The following LAMC1 variants were observed in gnomAD, a reference collection of about 807,000 sequenced individuals.
LAMC1 encodes laminin subunit gamma 1, also known as laminin subunit gamma-1.
In LAMC1, 38 loss-of-function variants were observed where a neutral mutation model predicts 173.6. That is an observed-to-expected ratio of 0.22 (90% CI 0.17 to 0.29). The LOEUF (loss-of-function observed/expected upper bound fraction) is 0.29, where lower values mean the gene tolerates loss of function less well. Among genes scored for constraint, LAMC1 ranks in the 10% least tolerant of loss-of-function variants. LAMC1 has a pLI of 1.00. For synonymous variants in LAMC1, 746 were observed against 749.1 expected (o/e 1.00, Z 0.07); for missense variants, 1,824 against 2,051.8 (o/e 0.89, Z 2.14).
chr1:183,119,529 G>GCT, intron 11 of LAMC1, among the ~76,000 whole-genome samples: 1 of 152,218 alleles, frequency 6.6e-6, no homozygotes, highest in Non-Finnish European at 1.5e-5. Context: ...TTAAGTCCAT[G>GCT]CTCTAAGACC....
chr1:183,051,950 A>C (rs1387642595), intron 1 of LAMC1, among the ~76,000 whole-genome samples: 1 of 152,150 alleles, frequency 6.6e-6, no homozygotes, highest in African/African-American at 2.4e-5. Context: ...GAGAGCCATA[A>C]ATGTAACAGT....
At chr1:183,060,865 TATC>T (rs1217898557) in intron 1 of LAMC1, among the ~76,000 whole-genome samples, 1 of 152,204 alleles carries the variant, frequency 6.6e-6, no homozygotes, top group East Asian at 1.9e-4. Flanking sequence ...TTTGAGAAAA[TATC>T]GTGTTGAGAA....
chr1:183,091,229 G>C (rs1655559111), intron 1 of LAMC1, among the ~76,000 whole-genome samples: 1 of 152,022 alleles, frequency 6.6e-6, no homozygotes, highest in South Asian at 2.1e-4. Flanking sequence ...TGTATTCTTT[G>C]ATTTCTTAGA....
chr1:183,024,096 T>C lies in LAMC1; in HGVS notation c.380T>C (p.Val127Ala), dbSNP rs1245961290. ...CAAAGCCAGACCATGCTGGCCGGGG[T>C]GCAGTACCCCAGCTCCATCAACCTC... is the stretch of plus-strand genomic sequence containing the variant. Reference protein sequence around the residue: ...WWQSQTMLAGVQYPSSINLTL... With the variant: ...WWQSQTMLAGAQYPSSINLTL... The change falls in exon 1 of 28, where the codon GTG becomes GCG. Residue 127 changes from valine (V) to alanine (A), a missense_variant. Transcript: ENST00000258341. 1 of 1,606,714 alleles carries C rather than the reference T, an allele frequency of 6.2e-7. No homozygotes were observed. The highest frequency in any genetic ancestry group is 8.5e-7 in the Non-Finnish European group (1 of 1,177,146).
chr1:183,066,235 A>G (rs1050931736), intron 1 of LAMC1, among the ~76,000 whole-genome samples: 1 of 152,222 alleles, frequency 6.6e-6, no homozygotes, highest in African/African-American at 2.4e-5. Context: ...TTGAACAACT[A>G]AAAGAGACAA....
chr1:183,113,897 A>C (rs1375489943), intron 4 of LAMC1, among the ~76,000 whole-genome samples: 1 of 152,010 alleles, frequency 6.6e-6, no homozygotes, highest in African/African-American at 2.4e-5. Context: ...TTATAATTTG[A>C]CTTGACTTTT....
chr1:183,033,214 T>C (rs1180143710), intron 1 of LAMC1, among the ~76,000 whole-genome samples: 1 of 152,212 alleles, frequency 6.6e-6, no homozygotes, highest in Non-Finnish European at 1.5e-5. Flanking sequence ...TTAACAGATA[T>C]TTGTTGAGTG....
intron 13 of LAMC1, among the ~76,000 whole-genome samples, chr1:183,124,353 C>T (rs781144868): frequency 3.3e-5 from 5 of 152,156 alleles, no homozygotes; most frequent in South Asian, 2.1e-4. Flanking sequence ...ACTCATTTAC[C>T]GAGCACTTTT....
intron 1 of LAMC1, among the ~76,000 whole-genome samples, chr1:183,055,945 G>T (rs1327347688): frequency 6.6e-6 from 1 of 152,202 alleles, no homozygotes; most frequent in Non-Finnish European, 1.5e-5. Context: ...ACACCTTTTG[G>T]AAGAGAGAGA....
chr1:183,026,229 C>T (rs1653682436), intron 1 of LAMC1, among the ~76,000 whole-genome samples: 1 of 152,124 alleles, frequency 6.6e-6, no homozygotes, highest in Non-Finnish European at 1.5e-5. Context: ...TTCTTACAAG[C>T]ATTGTGATTA....
At chr1:183,066,651 T>C (rs1654881087) in intron 1 of LAMC1, among the ~76,000 whole-genome samples, 1 of 152,220 alleles carries the variant, frequency 6.6e-6, no homozygotes, top group Non-Finnish European at 1.5e-5. Flanking sequence ...TCATGTCATT[T>C]GCAGGGACAT....
chr1:183,140,245 C>CAAAAAAAAAAA (rs56152259), intron 26 of LAMC1, among the ~76,000 whole-genome samples, 159 bp from the exon 27 acceptor site: 6,035 of 52,412 alleles, frequency 0.12, 1,172 homozygotes, highest in Non-Finnish European at 0.15. Context: ...GCAGCCCCAC[C>CAAAAAAAAAAA]AAAAAAAAAA....
chr1:183,142,431 C>A, intron 27 of LAMC1, 103 bp from the exon 28 acceptor site: 1 of 1,229,438 alleles, frequency 8.1e-7, no homozygotes, highest in Non-Finnish European at 1.1e-6. Context: ...GCTGCCTGTG[C>A]AGAATGGCAG....
Position 183,058,121 on chromosome 1 carries a change from T to G in LAMC1, c.418+33987T>G, listed in dbSNP as rs150437417. Among the ~76,000 whole-genome samples the G allele has an allele frequency of 1.2e-3, 180 of 152,328 alleles. 1 individual carries two copies. Among genetic ancestry groups the G allele is most frequent in the African/African-American group, 4.1e-3 (170 of 41,582 alleles). Reference sequence around the variant, plus strand: ...TGTCTATGATGTAGTTTTCTAAAAGTTCGTCTCTATTGGCTACTTCATTTC... The same window carrying G: ...TGTCTATGATGTAGTTTTCTAAAAGGTCGTCTCTATTGGCTACTTCATTTC... On this transcript the variant is annotated intron_variant, in intron 1 of 27. Transcript: ENST00000258341.
At chr1:183,092,623 A>C (rs1655593057) in intron 1 of LAMC1, among the ~76,000 whole-genome samples, 1 of 152,216 alleles carries the variant, frequency 6.6e-6, no homozygotes, top group African/African-American at 2.4e-5. Context: ...TCTAATGGAA[A>C]GGGGCCTTCT....
At chr1:183,071,254 A>T (rs749177791) in intron 1 of LAMC1, among the ~76,000 whole-genome samples, 1 of 152,044 alleles carries the variant, frequency 6.6e-6, no homozygotes, top group Non-Finnish European at 1.5e-5. Context: ...GCCTGTATGG[A>T]TGTTTTGTCT....
At chr1:183,128,175 T>G (rs1317996678) in intron 17 of LAMC1, among the ~76,000 whole-genome samples, 1 of 152,198 alleles carries the variant, frequency 6.6e-6, no homozygotes. Flanking sequence ...ATGTTAAGTT[T>G]GAGATACCTA....
rs763034589 is a variant in LAMC1, at chr1:183,131,280, T to A, written c.3487-19T>A. 4 of 1,590,136 alleles carry A rather than the reference T, an allele frequency of 2.5e-6. No individual in the cohort carries two copies. The highest frequency in any genetic ancestry group is 3.5e-6 in the Non-Finnish European group (4 of 1,158,394). On this transcript the variant is annotated intron_variant, in intron 19 of 27. Transcript: ENST00000258341. The stretch of plus-strand genomic sequence containing the variant: ...AATAATTCAGTCCTTTGAGAATAAG[T>A]GCTTTATTTCCTGTGCAGTCAGTCA...
At chr1:183,133,126 G>GT (rs1475365357) in intron 21 of LAMC1, among the ~76,000 whole-genome samples, 2 of 152,080 alleles carry the variant, frequency 1.3e-5, no homozygotes, top group Non-Finnish European at 2.9e-5. Context: ...GGCCAGGCTG[G>GT]TTTTGAACTC....
Sources: gnomAD v4.1 joint callset for allele counts (sites outside exome capture counted in the v4.1 genomes callset) on GRCh38, gnomAD v4.1.1 for gene constraint, MANE v1.5 for transcripts, NCBI Gene and HGNC (gene_info 2026-07-23, HGNC 2026-07-21) for gene names.